The following NCOA2 variants were observed in gnomAD, a reference collection of about 807,000 sequenced individuals.
NCOA2 encodes class E basic helix-loop-helix protein 75.
Under a neutral mutation model 145.1 loss-of-function variants are expected in NCOA2, and 21 were observed. That is an observed-to-expected ratio of 0.14 (90% CI 0.10 to 0.21). NCOA2 has a LOEUF of 0.21. NCOA2 is among the 10% of genes least tolerant of loss of function. The pLI, the probability that NCOA2 is intolerant of heterozygous loss-of-function variation, is 1.00. For missense variants in NCOA2, 1,472 were observed against 1,837.6 expected (o/e 0.80, Z 3.64); for synonymous variants, 619 against 637.5 (o/e 0.97, Z 0.44).
At chr8:70,443,783 C>T in the NCOA2 span, among the ~76,000 whole-genome samples, 1 of 152,118 alleles carries the variant, frequency 6.6e-6, no homozygotes, top group Non-Finnish European at 1.5e-5. Context: ...TATTGCCCCC[C>T]AGGCTGATTT....
At chr8:70,120,720 CA>C (rs371367078) in intron 22 of NCOA2, among the ~76,000 whole-genome samples, 1 of 151,300 alleles carries the variant, frequency 6.6e-6, no homozygotes, top group Non-Finnish European at 1.5e-5. Flanking sequence ...GACACTGTCT[CA>C]AAAAAACAAA....
At chr8:70,231,565 C>T (rs985175379) in intron 2 of NCOA2, among the ~76,000 whole-genome samples, 2 of 152,218 alleles carry the variant, frequency 1.3e-5, no homozygotes, top group Non-Finnish European at 2.9e-5. Context: ...CCTAGGAGAT[C>T]AGCTGAAACC....
chr8:70,121,985 T>C (rs1033569373), intron 21 of NCOA2, among the ~76,000 whole-genome samples: 2 of 152,238 alleles, frequency 1.3e-5, no homozygotes, highest in East Asian at 1.9e-4. Context: ...AAATTAACCA[T>C]GGGATTCAAA....
the NCOA2 span, among the ~76,000 whole-genome samples, chr8:70,441,411 A>AG: frequency 1.4e-5 from 2 of 144,536 alleles, no homozygotes; most frequent in Non-Finnish European, 3.1e-5. Context: ...AAGAAGAGAG[A>AG]AAGAAAACAA....
intron 4 of NCOA2, among the ~76,000 whole-genome samples, chr8:70,200,115 A>T (rs145225402): frequency 2.6e-5 from 4 of 152,336 alleles, no homozygotes; most frequent in African/African-American, 9.6e-5. Flanking sequence ...GATTTAAAGT[A>T]AACAGGAGGA....
chr8:70,357,334 A>G (rs1425998650), intron 1 of NCOA2: 1 of 152,156 alleles, frequency 6.6e-6, no homozygotes, highest in Non-Finnish European at 1.5e-5. Flanking sequence ...TTACACTGAA[A>G]ACTACAAAAC....
At chr8:70,320,701 A>G (rs1805977887) in intron 1 of NCOA2, among the ~76,000 whole-genome samples, 1 of 152,172 alleles carries the variant, frequency 6.6e-6, no homozygotes, top group African/African-American at 2.4e-5. Context: ...ATCAAAATAC[A>G]CTAACACAAA....
At chr8:70,456,145 AG>A in the NCOA2 span, among the ~76,000 whole-genome samples, 1 of 151,682 alleles carries the variant, frequency 6.6e-6, no homozygotes, top group Non-Finnish European at 1.5e-5. Context: ...TACCACCTTG[AG>A]CCTGGCATTT....
At chr8:70,261,842 C>T (rs1339415081) in intron 2 of NCOA2, among the ~76,000 whole-genome samples, 15 of 152,104 alleles carry the variant, frequency 9.9e-5, no homozygotes, top group Non-Finnish European at 1.9e-4. Context: ...AACCCTCTCC[C>T]TTGCTTATAT....
chr8:70,391,851 C>T (rs1803434678), intron 1 of NCOA2, among the ~76,000 whole-genome samples: 1 of 152,152 alleles, frequency 6.6e-6, no homozygotes, highest in African/African-American at 2.4e-5. Flanking sequence ...TGAAATAGAG[C>T]TGATATTAGA....
At chr8:70,396,568 T>C (rs1813691789) in intron 1 of NCOA2, among the ~76,000 whole-genome samples, 1 of 152,224 alleles carries the variant, frequency 6.6e-6, no homozygotes, top group African/African-American at 2.4e-5. Flanking sequence ...AAATGTTAAC[T>C]ATTTTACTTC....
At chr8:70,121,422 G>T in intron 21 of NCOA2, 31 bp from the exon 22 acceptor site, 1 of 1,548,578 alleles carries the variant, frequency 6.5e-7, no homozygotes, top group Non-Finnish European at 8.9e-7. Flanking sequence ...CAGTGGCTAC[G>T]CAGAGCAGAA....
chr8:70,287,762 TCA>T (rs1417013486), intron 2 of NCOA2, among the ~76,000 whole-genome samples: 5 of 152,224 alleles, frequency 3.3e-5, no homozygotes, highest in Non-Finnish European at 5.9e-5. Context: ...TTCATGGACT[TCA>T]GTCTAGCTAG....
intron 2 of NCOA2, among the ~76,000 whole-genome samples, chr8:70,234,395 T>TA (rs1821417668): frequency 2.0e-5 from 3 of 152,190 alleles, no homozygotes; most frequent in Non-Finnish European, 4.4e-5. Context: ...AATCGGTGAG[T>TA]CATATGGTAA....
intron 2 of NCOA2, among the ~76,000 whole-genome samples, chr8:70,292,969 A>C (rs1826809421): frequency 6.6e-6 from 1 of 152,218 alleles, no homozygotes; most frequent in Non-Finnish European, 1.5e-5. Context: ...TTAAGTGCAG[A>C]GGAGTCTACC....
intron 2 of NCOA2, among the ~76,000 whole-genome samples, chr8:70,217,132 G>A (rs939981969): frequency 6.6e-6 from 1 of 152,196 alleles, no homozygotes; most frequent in Non-Finnish European, 1.5e-5. Flanking sequence ...TACAGGTGTT[G>A]TAAGGGGCTC....
intron 4 of NCOA2, among the ~76,000 whole-genome samples, chr8:70,189,192 G>A (rs1360778036): frequency 6.6e-6 from 1 of 152,094 alleles, no homozygotes; most frequent in Non-Finnish European, 1.5e-5. Context: ...ACCAGAGCTG[G>A]CCAGGTTGAA....
intron 6 of NCOA2, among the ~76,000 whole-genome samples, chr8:70,167,639 G>A (rs1346284621): frequency 6.6e-6 from 1 of 152,052 alleles, no homozygotes; most frequent in Non-Finnish European, 1.5e-5. Flanking sequence ...TCTTCAATAA[G>A]ACTGAAAAAT....
chr8:70,453,679 T>C, the NCOA2 span, among the ~76,000 whole-genome samples: 1 of 152,208 alleles, frequency 6.6e-6, no homozygotes. Context: ...CTGCCTGAAA[T>C]TGTCACACCA....
Sources: allele counts gnomAD v4.1 joint callset (sites outside exome capture counted in the v4.1 genomes callset), GRCh38; gene constraint gnomAD v4.1.1; transcripts MANE v1.5; gene names NCBI Gene and HGNC (gene_info 2026-07-23, HGNC 2026-07-21).